The following MTMR10 variants were observed in gnomAD, a reference collection of about 807,000 sequenced individuals.
MTMR10 encodes myotubularin related protein 10, also known as myotubularin-related protein 10.
In MTMR10, 56 loss-of-function variants were observed where a neutral mutation model predicts 88.1. The observed-to-expected ratio is 0.64, with a 90% CI of 0.51 to 0.79. The LOEUF (loss-of-function observed/expected upper bound fraction) is 0.79. Among genes scored for constraint, MTMR10 ranks in the 30% least tolerant of loss-of-function variants. MTMR10 has a pLI of 0.00. For synonymous variants in MTMR10, 380 were observed against 340.9 expected, an observed-to-expected ratio of 1.11 and a Z score of -1.26; for missense variants, 883 against 924.7, an observed-to-expected ratio of 0.95 and a Z score of 0.58.
chr15:30,959,144 T>C, intron 7 of MTMR10, 23 bp from the exon 8 acceptor site: 3 of 1,549,112 alleles, frequency 1.9e-6, no homozygotes, highest in Non-Finnish European at 2.6e-6. Context: ...AAAAAAATTA[T>C]ATGAGTGCTG....
In MTMR10 at chr15:30,939,792, A is replaced by G. The variant is rs1193539092; in HGVS notation, c.*1678T>C. The G allele has an allele frequency of 2.0e-6, 2 of 985,212 alleles. No individual in the cohort carries two copies. The highest frequency in any genetic ancestry group is 2.4e-6 in the Non-Finnish European group (2 of 829,824). The allele number at this position is 985,212 out of a possible 1,614,324, so 61.0% of individuals were successfully genotyped here. Reference sequence around the variant, plus strand: ...CAATGGCAGGATACGCTGTGGTGTTATAAGGAGATTGGGTCTGGTTTCTAA... The same window carrying G: ...CAATGGCAGGATACGCTGTGGTGTTGTAAGGAGATTGGGTCTGGTTTCTAA... On this transcript the variant is annotated 3_prime_UTR_variant, in exon 16 of 16. Transcript: ENST00000435680.
intron 2 of MTMR10, among the ~76,000 whole-genome samples, chr15:30,985,618 G>A (rs936030325): frequency 2.6e-5 from 4 of 152,218 alleles, no homozygotes; most frequent in African/African-American, 9.6e-5. Flanking sequence ...TGACAAGACT[G>A]TTATGATGAT....
At chr15:30,921,455 T>C in the MTMR10 span, among the ~76,000 whole-genome samples, 1 of 152,252 alleles carries the variant, frequency 6.6e-6, no homozygotes, top group African/African-American at 2.4e-5. Context: ...ATTTCACTTT[T>C]GTTGTGTTTG....
At chr15:30,920,170 A>T in the MTMR10 span, among the ~76,000 whole-genome samples, 2 of 152,246 alleles carry the variant, frequency 1.3e-5, no homozygotes, top group Non-Finnish European at 2.9e-5. Context: ...TTGAAATTTC[A>T]GTTTCATACA....
chr15:30,952,765 A>G (rs1192988261), intron 11 of MTMR10, among the ~76,000 whole-genome samples: 1 of 152,074 alleles, frequency 6.6e-6, no homozygotes, highest in Non-Finnish European at 1.5e-5. Context: ...AATTACTGGC[A>G]TGAGCTACCA....
rs1295334341 is a variant in MTMR10 at position 30,941,241 on chromosome 15, A to G, written c.*229T>C. On this transcript the variant is annotated 3_prime_UTR_variant, in exon 16 of 16. Transcript: ENST00000435680. ...CAACATGAACAGTTTGATCACGGTT[A>G]CAAGAGCCAGACCTGTAATGACAGA... is the stretch of plus-strand genomic sequence containing the variant. The G allele has an allele frequency of 3.5e-6, 5 of 1,437,904 alleles. No homozygotes were observed. Among genetic ancestry groups the G allele is most frequent in the Non-Finnish European group, 3.7e-6 (4 of 1,085,750 alleles). 89.1% of individuals were successfully genotyped at this position (1,437,904 alleles called of 1,614,324 possible).
At chr15:30,990,212 G>T (rs2031224074) in intron 2 of MTMR10, among the ~76,000 whole-genome samples, 1 of 152,126 alleles carries the variant, frequency 6.6e-6, no homozygotes, top group South Asian at 2.1e-4. Flanking sequence ...GGGGATAAGG[G>T]TACTACTACT....
rs752929328 is a variant in MTMR10 at position 30,947,131 on chromosome 15, G to A, written c.1547C>T (p.Thr516Met). 2.7e-5 allele frequency: 44 copies of A among 1,601,716 alleles called. No homozygotes were observed. Among genetic ancestry groups the A allele is most frequent in the Non-Finnish European group, 3.3e-5 (39 of 1,175,146 alleles). The part of the protein sequence containing the change: ...NSPHQRVKQS[T>M]EFAISKNIQL... ...AGCCACAGCCACAGGGTTGCTTACC[G>A]TGCTTTGCTTCACTCGCTGGTGAGG... The change falls in exon 14 of 16, where the codon ACG (threonine) becomes ATG (methionine). Residue 516 changes from threonine (T) to methionine (M), a missense_variant and splice_region_variant. Physicochemically the swap from Thr to Met is moderately conservative, Grantham distance 81. Around this residue, in one of 3 missense-constraint regions of MTMR10, gnomAD observed 126 missense variants for 178.2 expected, o/e 0.71. Coordinates refer to ENST00000435680, the MANE Select transcript of MTMR10 (RefSeq NM_017762.3).
intron 12 of MTMR10, among the ~76,000 whole-genome samples, chr15:30,950,624 C>A (rs1450211146): frequency 6.6e-6 from 1 of 151,124 alleles, no homozygotes; most frequent in East Asian, 1.9e-4. Flanking sequence ...GAGCTGAGAT[C>A]GTTCCACTGC....
At position 30,941,581 on chromosome 15, in the gene MTMR10, A is replaced by G. The variant is rs753497152; in HGVS notation, c.2223T>C (p.Phe741=). The G allele has an allele frequency of 1.2e-6, 2 of 1,600,068 alleles. No individual in the cohort carries two copies. Among genetic ancestry groups the G allele is most frequent in the African/African-American group, 2.7e-5 (2 of 74,670 alleles). Residue 741 remains phenylalanine (F), a synonymous_variant, in exon 16 of 16, where the codon TTT becomes TTC. Coordinates refer to ENST00000435680, the MANE Select transcript of MTMR10 (RefSeq NM_017762.3). Reference sequence around the variant, plus strand: ...GTCTGCACAGATTCCCTACAGGAGAAAATGGAAATGAGGAGGAGAGAAACT... The same window carrying G: ...GTCTGCACAGATTCCCTACAGGAGAGAATGGAAATGAGGAGGAGAGAAACT... The part of the protein sequence containing the change: ...TPEFLSSSFP[F]SPVGNLCRRS...
rs139218547 is a variant in MTMR10, at chr15:30,939,299, A to G, written c.*2171T>C. ...TACTAGAAATTTCACCCAGTGCATC[A>G]GCATCTGTGCGGCATTCCCTCAGCA... On this transcript the variant is annotated 3_prime_UTR_variant, in exon 16 of 16. Transcript: ENST00000435680. The G allele has an allele frequency of 2.0e-6, 2 of 985,504 alleles. No homozygotes were observed. The highest frequency in any genetic ancestry group is 1.7e-5 in the African/African-American group (1 of 57,378). 61.0% of individuals were successfully genotyped at this position (985,504 alleles called of 1,614,324 possible). A position where few individuals can be genotyped will look rare whatever the true frequency, so the allele number is the denominator to read the frequency against.
At chr15:30,919,077 G>A in the MTMR10 span, among the ~76,000 whole-genome samples, 1 of 152,166 alleles carries the variant, frequency 6.6e-6, no homozygotes, top group African/African-American at 2.4e-5. Context: ...AAAAGAATAT[G>A]TTATTAAGGA....
chr15:30,924,640 A>G, the MTMR10 span, among the ~76,000 whole-genome samples: 1 of 152,150 alleles, frequency 6.6e-6, no homozygotes, highest in Non-Finnish European at 1.5e-5. Context: ...CCCTGTAAAT[A>G]AGGAATCTGA....
chr15:30,981,719 T>A (rs1298982624), intron 2 of MTMR10, among the ~76,000 whole-genome samples: 1 of 152,234 alleles, frequency 6.6e-6, no homozygotes, highest in Admixed American at 6.5e-5. Flanking sequence ...CTAGTAATTA[T>A]AAAATTTTTC....
the MTMR10 span, chr15:30,930,514 T>C: frequency 1.3e-6 from 2 of 1,564,742 alleles, no homozygotes; most frequent in Admixed American, 4.3e-5. Context: ...ACGAGGGAAG[T>C]GGCTAACTGT....
chr15:30,927,717 G>C, the MTMR10 span: 1 of 985,638 alleles, frequency 1.0e-6, no homozygotes, highest in South Asian at 4.7e-5. Flanking sequence ...GTGGGGAGAG[G>C]CATCCATGTG....
chr15:30,937,932 A>G (rs555070211), downstream of MTMR10, among the ~76,000 whole-genome samples: 15 of 151,166 alleles, frequency 9.9e-5, no homozygotes, highest in African/African-American at 3.4e-4. Context: ...CTGTAATCCC[A>G]GCACTTTGGG....
At chr15:30,935,821 T>C (rs1177527388), downstream of MTMR10, among the ~76,000 whole-genome samples, 19 of 152,240 alleles carry the variant, frequency 1.2e-4, no homozygotes, top group Admixed American at 1.2e-3. Context: ...ACTAGCATGG[T>C]TTCCAATCAG....
chr15:30,926,017 G>A, the MTMR10 span: 17 of 1,428,754 alleles, frequency 1.2e-5, no homozygotes, highest in East Asian at 1.1e-4. Context: ...GTCAGCAGTG[G>A]GCTGCTGTCC....
Sources: allele counts gnomAD v4.1 joint callset (sites outside exome capture counted in the v4.1 genomes callset), GRCh38; gene constraint gnomAD v4.1.1; regional missense constraint gnomAD v4.1.1; transcripts MANE v1.5; gene names NCBI Gene and HGNC (gene_info 2026-07-23, HGNC 2026-07-21).